EXOC6B: variants seen among roughly 807,000 people sequenced by gnomAD.
EXOC6B encodes the protein exocyst complex component 6B, also known as SEC15 homolog B.
Under a neutral mutation model 113.5 loss-of-function variants are expected in EXOC6B, and 54 were observed. The observed-to-expected ratio is 0.48, with a 90% CI of 0.38 to 0.60. EXOC6B has a LOEUF of 0.60. EXOC6B is among the 20% of genes least tolerant of loss of function. The probability of loss-of-function intolerance (pLI) is 0.00; values close to 1 mark genes in which losing one functional copy is unlikely to be tolerated. For synonymous variants in EXOC6B, 357 were observed against 339.0 expected, an observed-to-expected ratio of 1.05 and a Z score of -0.58; for missense variants, 797 against 977.5, an observed-to-expected ratio of 0.82 and a Z score of 2.46.
intron 6 of EXOC6B, among the ~76,000 whole-genome samples, chr2:72,598,560 G>A (rs550962694): frequency 4.6e-5 from 7 of 152,002 alleles, no homozygotes; most frequent in Admixed American, 1.3e-4. Flanking sequence ...AGTAGGAAAC[G>A]ATGAAATTGA....
At chr2:72,184,409 A>G (rs946208832) in intron 20 of EXOC6B, among the ~76,000 whole-genome samples, 3 of 152,252 alleles carry the variant, frequency 2.0e-5, no homozygotes, top group Admixed American at 6.5e-5. Flanking sequence ...GTATGGAAAC[A>G]TTGCTAAGAC....
intron 17 of EXOC6B, among the ~76,000 whole-genome samples, chr2:72,467,140 C>T (rs990744884): frequency 1.3e-5 from 2 of 152,154 alleles, no homozygotes; most frequent in Non-Finnish European, 2.9e-5. Context: ...ATGAGGTTTC[C>T]ATGCTGTTGC....
intron 20 of EXOC6B, among the ~76,000 whole-genome samples, chr2:72,254,636 C>A (rs1237191036): frequency 6.6e-6 from 1 of 152,168 alleles, no homozygotes; most frequent in Non-Finnish European, 1.5e-5. Flanking sequence ...GGGGAATGTG[C>A]AGAGGCTGGT....
chr2:72,783,751 C>T (rs1180145699), intron 1 of EXOC6B, among the ~76,000 whole-genome samples: 2 of 152,084 alleles, frequency 1.3e-5, no homozygotes, highest in Non-Finnish European at 2.9e-5. Context: ...GATATTATCC[C>T]TTATTGGATG....
chr2:72,184,047 A>G (rs1409381713), intron 21 of EXOC6B, 28 bp downstream of exon 21: 1 of 1,325,406 alleles, frequency 7.5e-7, no homozygotes, highest in Non-Finnish European at 1.1e-6. Flanking sequence ...CCCACCTCCC[A>G]ACACAGACCA....
chr2:72,479,311 AC>A (rs1372432165), intron 17 of EXOC6B, among the ~76,000 whole-genome samples: 1 of 152,152 alleles, frequency 6.6e-6, no homozygotes, highest in Non-Finnish European at 1.5e-5. Flanking sequence ...TTTTTTTCAA[AC>A]AATAGAAAAA....
intron 1 of EXOC6B, among the ~76,000 whole-genome samples, chr2:72,775,249 A>G (rs976109205): frequency 1.3e-5 from 2 of 152,178 alleles, no homozygotes; most frequent in African/African-American, 4.8e-5. Context: ...TGGGGGAAGA[A>G]GTTGAGTATT....
At chr2:72,760,784 T>G (rs1221019356) in intron 1 of EXOC6B, among the ~76,000 whole-genome samples, 2 of 152,184 alleles carry the variant, frequency 1.3e-5, no homozygotes, top group African/African-American at 4.8e-5. Context: ...AAGAGACATC[T>G]TTCTGAAAAG....
rs1683002223 is a variant in EXOC6B at position 72,765,442 on chromosome 2, G to A, written c.114-23973C>T. ...AATCCCAGCACTTTGGGAGGCTGAG[G>A]TGGGTGGATCAGCTGAGGTCAGGAG... On this transcript the variant is annotated intron_variant, in intron 1 of 21. Coordinates refer to ENST00000272427, the MANE Select transcript of EXOC6B (RefSeq NM_015189.3). Among the ~76,000 whole-genome samples, 4 of 152,198 alleles carry A rather than the reference G, an allele frequency of 2.6e-5. No individual in the cohort carries two copies. The South Asian group carries it at 6.2e-4, about 24-fold the overall frequency.
At chr2:72,401,522 T>TAC (rs1425782190) in intron 18 of EXOC6B, among the ~76,000 whole-genome samples, 1 of 14,644 alleles carries the variant, frequency 6.8e-5, no homozygotes, top group East Asian at 6.9e-4. Flanking sequence ...TATACATATA[T>TAC]ACATATATAT....
intron 20 of EXOC6B, among the ~76,000 whole-genome samples, chr2:72,266,870 C>G (rs1410116395): frequency 9.2e-5 from 14 of 152,160 alleles, no homozygotes; most frequent in East Asian, 1.9e-4. Context: ...TCACGATATT[C>G]ATTCTTCCTA....
At chr2:72,552,766 A>G (rs150627274) in intron 8 of EXOC6B, among the ~76,000 whole-genome samples, 2,754 of 152,118 alleles carry the variant, frequency 0.018, 24 homozygotes, top group Non-Finnish European at 0.027. Context: ...CCATATTCAT[A>G]AACTAAAGAA....
intron 20 of EXOC6B, among the ~76,000 whole-genome samples, chr2:72,216,686 T>C (rs1680556492): frequency 6.6e-6 from 1 of 151,944 alleles, no homozygotes; most frequent in South Asian, 2.1e-4. Flanking sequence ...ATAAAGAAAA[T>C]GTGGTACATA....
intron 18 of EXOC6B, among the ~76,000 whole-genome samples, chr2:72,425,396 C>T (rs1695147647): frequency 6.6e-6 from 1 of 152,090 alleles, no homozygotes; most frequent in African/African-American, 2.4e-5. Context: ...CCAGTTACAA[C>T]TACATGTTAT....
chr2:72,224,898 G>GTA (rs1158642075), intron 20 of EXOC6B, among the ~76,000 whole-genome samples: 1 of 149,300 alleles, frequency 6.7e-6, no homozygotes, highest in Non-Finnish European at 1.5e-5. Flanking sequence ...ATCTATGTGT[G>GTA]TATATATATA....
intron 7 of EXOC6B, among the ~76,000 whole-genome samples, chr2:72,575,271 G>C (rs1452520969): frequency 6.6e-6 from 1 of 151,976 alleles, no homozygotes; most frequent in Non-Finnish European, 1.5e-5. Flanking sequence ...TCAAAATAGA[G>C]GAGTGAATTT....
Position 72,338,936 on chromosome 2 carries a change from CACATACACATACACATACACATACACAT to C in EXOC6B, c.2123-3944_2123-3917del, listed in dbSNP as rs1401136504. 3.9e-4 allele frequency among the ~76,000 whole-genome samples: 59 copies of C among 151,524 alleles called. No individual in the cohort carries two copies. In the Middle Eastern group the frequency reaches 0.027, roughly 70 times the overall value. On this transcript the variant is annotated intron_variant, in intron 19 of 21. Transcript: ENST00000272427. ...ACACATACACATACACATACACATACACATACACATACACATACACATACACATACATACACATACACATACACATTAT... is the reference window on the plus strand; with the variant it reads ...ACACATACACATACACATACACATACACATACACATACACATACACATTAT...
intron 1 of EXOC6B, among the ~76,000 whole-genome samples, chr2:72,752,535 C>T (rs1209988110): frequency 6.6e-6 from 1 of 151,012 alleles, no homozygotes; most frequent in African/African-American, 2.4e-5. Flanking sequence ...TTTCCCTTCC[C>T]TTTCTCTCTC....
chr2:72,768,949 C>CA lies in EXOC6B; in HGVS notation c.114-27481dup, dbSNP rs577764550. Among the ~76,000 whole-genome samples, 65 of 151,096 alleles carry CA rather than the reference C, an allele frequency of 4.3e-4. 1 individual carries two copies. Among genetic ancestry groups the CA allele is most frequent in the African/African-American group, 1.5e-3 (62 of 41,200 alleles). On this transcript the variant is annotated intron_variant, in intron 1 of 21. Coordinates refer to ENST00000272427, the MANE Select transcript of EXOC6B (RefSeq NM_015189.3). ...GCAACAAAGCTAAACCCTGTCTCTA[C>CA]AAAAAAAAATTAGCCAGGCACAGTG...
Sources: gnomAD v4.1 joint callset for allele counts (sites outside exome capture counted in the v4.1 genomes callset) on GRCh38, gnomAD v4.1.1 for gene constraint, MANE v1.5 for transcripts, NCBI Gene and HGNC (gene_info 2026-07-23, HGNC 2026-07-21) for gene names.